Variants in OR51B5 observed in about 807,000 individuals in gnomAD.
OR51B5 encodes the protein olfactory receptor family 51 subfamily B member 5.
For synonymous variants in OR51B5, 186 were observed against 144.8 expected, an observed-to-expected ratio of 1.28 and a Z score of -2.04; for missense variants, 456 against 374.6, an observed-to-expected ratio of 1.22 and a Z score of -1.79.
intron 1 of OR51B5, among the ~76,000 whole-genome samples, chr11:5,467,835 C>G (rs767343076): frequency 6.6e-6 from 1 of 152,174 alleles, no homozygotes; most frequent in Non-Finnish European, 1.5e-5. Context: ...TGTTAGGCTT[C>G]GATTTGGAGT....
intron 1 of OR51B5, among the ~76,000 whole-genome samples, chr11:5,387,643 T>C (rs1281815109): frequency 6.6e-6 from 1 of 152,200 alleles, no homozygotes; most frequent in Non-Finnish European, 1.5e-5. Context: ...CTTCCTCCAT[T>C]GAATATACAT....
At chr11:5,362,885 T>A in intron 1 of OR51B5, 1 of 174,286 alleles carries the variant, frequency 5.7e-6, no homozygotes, top group Non-Finnish European at 1.3e-5. Flanking sequence ...CTTCACTGAA[T>A]CCCTGCTTTT....
At chr11:5,389,511 G>C (rs371536682) in intron 1 of OR51B5, 1 of 1,613,930 alleles carries the variant, frequency 6.2e-7, no homozygotes, top group Non-Finnish European at 8.5e-7. Flanking sequence ...ATCAAACACT[G>C]GATTTTCATC....
At chr11:5,391,843 A>G (rs950442238) in intron 1 of OR51B5, 1 of 152,236 alleles carries the variant, frequency 6.6e-6, no homozygotes, top group Non-Finnish European at 1.5e-5. Context: ...TTCAGGCAAG[A>G]AGATTACTTG....
At position 5,390,279 on chromosome 11, in the gene OR51B5, T is replaced by C. The variant is rs1314537511; in HGVS notation, n.85-43369A>G. 3.7e-6 allele frequency: 6 copies of C among 1,613,868 alleles called. No individual in the cohort carries two copies. Among genetic ancestry groups the C allele is most frequent in the Non-Finnish European group, 4.2e-6 (5 of 1,179,894 alleles). On this transcript the variant is annotated intron_variant and non_coding_transcript_variant, in intron 1 of 4. Transcript: ENST00000415970. ...CTTCTTATGGCCAATGTCTACCTTT[T>C]TGTGCCTCCCATGCTTAACCCAATC...
At chr11:5,376,408 T>A (rs371427586) in intron 1 of OR51B5, among the ~76,000 whole-genome samples, 10 of 151,710 alleles carry the variant, frequency 6.6e-5, no homozygotes, top group East Asian at 1.9e-4. Context: ...AAGAACTAGA[T>A]AAGCAAGAGC....
chr11:5,457,095 G>C (rs1461302050), intron 1 of OR51B5, among the ~76,000 whole-genome samples: 1 of 152,136 alleles, frequency 6.6e-6, no homozygotes, highest in African/African-American at 2.4e-5. Flanking sequence ...ATACAGCATA[G>C]TACCCCAAAG....
chr11:5,354,957 G>A lies in OR51B5; in HGVS notation n.85-8047C>T, dbSNP rs1049977178. ...AAGTCTGTGCGCTGGATTGGTCTGG[G>A]CAGGAAGGTGTGAAAATGGTTGGTG... On this transcript the variant is annotated intron_variant and non_coding_transcript_variant, in intron 1 of 4. Transcript: ENST00000415970. 2.5e-5 allele frequency: 4 copies of A among 161,576 alleles called. No homozygotes were observed. The South Asian group carries it at 6.8e-4, about 28-fold the overall frequency. The allele number at this position is 161,576 out of a possible 1,614,324, so 10.0% of individuals were successfully genotyped here.
At chr11:5,378,800 A>G (rs1419806089) in intron 1 of OR51B5, among the ~76,000 whole-genome samples, 1 of 151,546 alleles carries the variant, frequency 6.6e-6, no homozygotes, top group African/African-American at 2.4e-5. Context: ...ATCATTAAAA[A>G]GTCAGGAAAC....
At chr11:5,419,744 T>C (rs1278089742) in intron 1 of OR51B5, among the ~76,000 whole-genome samples, 4 of 152,068 alleles carry the variant, frequency 2.6e-5, no homozygotes, top group African/African-American at 7.2e-5. Flanking sequence ...TTTCAAAATC[T>C]GAAACCTTGG....
intron 1 of OR51B5, among the ~76,000 whole-genome samples, chr11:5,380,958 C>T (rs1849598928): frequency 6.6e-6 from 1 of 152,072 alleles, no homozygotes; most frequent in Admixed American, 6.5e-5. Flanking sequence ...ATTGGAAAAC[C>T]ACAGCATGTG....
In OR51B5 at chr11:5,348,869, T is replaced by C. The variant is rs79691993; in HGVS notation, n.85-1959A>G. Among the ~76,000 whole-genome samples the C allele has an allele frequency of 4.5e-3, 677 of 152,058 alleles. 6 individuals are homozygous for C. Among genetic ancestry groups the C allele is most frequent in the African/African-American group, 0.016 (654 of 41,462 alleles). On this transcript the variant is annotated intron_variant and non_coding_transcript_variant, in intron 1 of 4. Transcript: ENST00000415970. ...ATATTAACCATCACAGAAAGGATAATAGCCAAAGGTAAGGGGGTAAAAAAA... is the reference window on the plus strand; with the variant it reads ...ATATTAACCATCACAGAAAGGATAACAGCCAAAGGTAAGGGGGTAAAAAAA...
intron 1 of OR51B5, among the ~76,000 whole-genome samples, chr11:5,374,189 T>G (rs1849488085): frequency 6.6e-6 from 1 of 152,216 alleles, no homozygotes; most frequent in South Asian, 2.1e-4. Flanking sequence ...TCTGCGGTTC[T>G]GCAGACACCG....
Position 5,453,829 on chromosome 11 carries a change from T to C in OR51B5, n.84+51740A>G, listed in dbSNP as rs773716067. 1 of 1,614,248 alleles carries C rather than the reference T, an allele frequency of 6.2e-7. No individual in the cohort carries two copies. The highest frequency in any genetic ancestry group is 8.5e-7 in the Non-Finnish European group (1 of 1,180,052). ...TTCTTCTCCATGATGGAATCAGGTA[T>C]TCTGCTGGCCATGAGTTTTGACCGC... is the stretch of plus-strand genomic sequence containing the variant. On this transcript the variant is annotated intron_variant and non_coding_transcript_variant, in intron 1 of 4. Coordinates refer to the OR51B5 transcript ENST00000415970.
intron 1 of OR51B5, among the ~76,000 whole-genome samples, chr11:5,477,634 G>A (rs571590402): frequency 5.3e-5 from 8 of 152,142 alleles, no homozygotes; most frequent in South Asian, 2.1e-4. Flanking sequence ...CCAGACAGTC[G>A]GCGCAGGTCA....
At chr11:5,437,748 C>A (rs367610284) in intron 1 of OR51B5, among the ~76,000 whole-genome samples, 1 of 152,152 alleles carries the variant, frequency 6.6e-6, no homozygotes, top group Non-Finnish European at 1.5e-5. Context: ...AGTTCTCTTG[C>A]GGGTTTTGAT....
intron 1 of OR51B5, chr11:5,352,307 C>CTCATG: frequency 6.2e-7 from 1 of 1,614,158 alleles, no homozygotes; most frequent in Non-Finnish European, 8.5e-7. Flanking sequence ...AAGCATGTTC[C>CTCATG]TCATGTCGTT....
Position 5,378,877 on chromosome 11 carries a change from G to T in OR51B5, n.85-31967C>A, listed in dbSNP as rs556600928. Among the ~76,000 whole-genome samples the T allele has an allele frequency of 1.2e-3, 176 of 150,660 alleles. 1 individual carries two copies. Among genetic ancestry groups the T allele is most frequent in the African/African-American group, 4.1e-3 (169 of 40,980 alleles). Reference sequence around the variant, plus strand: ...ACACTCTTGGTGGGACTGTAAACTAGTTCAACCATTGTGGAAGTCAGTGTG... The same window carrying T: ...ACACTCTTGGTGGGACTGTAAACTATTTCAACCATTGTGGAAGTCAGTGTG... On this transcript the variant is annotated intron_variant and non_coding_transcript_variant, in intron 1 of 4. Transcript: ENST00000415970.
At chr11:5,485,711 T>C (rs1261257771) in intron 1 of OR51B5, among the ~76,000 whole-genome samples, 1 of 152,176 alleles carries the variant, frequency 6.6e-6, no homozygotes, top group Non-Finnish European at 1.5e-5. Flanking sequence ...GTCTGAAATG[T>C]TCTTCCTTCT....
Sources: allele counts gnomAD v4.1 joint callset (sites outside exome capture counted in the v4.1 genomes callset), GRCh38; gene constraint gnomAD v4.1.1; transcripts MANE v1.5; gene names NCBI Gene and HGNC (gene_info 2026-07-23, HGNC 2026-07-21).